Variants in RPAP2 observed in about 807,000 individuals in gnomAD.
The protein encoded by RPAP2 is RNA polymerase II associated protein 2.
RPAP2 carries 52 observed loss-of-function variants against 73.1 expected under a neutral mutation model. The observed-to-expected ratio is 0.71, with a 90% CI of 0.57 to 0.90. The LOEUF is 0.90. Among genes scored for constraint, RPAP2 ranks in the 40% least tolerant of loss-of-function variants. The pLI, the probability that RPAP2 is intolerant of heterozygous loss-of-function variation, is 0.00. For synonymous variants in RPAP2, 225 were observed against 242.1 expected (o/e 0.93, Z 0.65); for missense variants, 598 against 701.8 (o/e 0.85, Z 1.67).
At position 92,299,078 on chromosome 1, in the gene RPAP2, C is replaced by T; in HGVS notation, c.5C>T (p.Ala2Val). Reference protein sequence around the residue: MADFAGPSSAGR... With the variant: MVDFAGPSSAGR... ...TCCGGCAGACTACTCTCCCCCATGG[C>T]GGACTTCGCTGGGCCGTCTTCTGCC... Residue 2 changes from alanine to valine, a missense_variant, in exon 1 of 13, where the codon GCG (alanine) becomes GTG (valine). Coordinates refer to ENST00000610020, the MANE Select transcript of RPAP2 (RefSeq NM_024813.3). 6.6e-7 allele frequency: 1 copy of T among 1,505,848 alleles called. No individual in the cohort carries two copies. Among genetic ancestry groups the T allele is most frequent in the Non-Finnish European group, 8.9e-7 (1 of 1,121,986 alleles). 93.3% of individuals were successfully genotyped at this position (1,505,848 alleles called of 1,614,324 possible).
At chr1:92,328,553 T>C (rs1168398693) in intron 8 of RPAP2, among the ~76,000 whole-genome samples, 1 of 152,216 alleles carries the variant, frequency 6.6e-6, no homozygotes, top group Non-Finnish European at 1.5e-5. Context: ...TCATATCCTG[T>C]ATGATTTGTT....
rs78851197 is a variant in RPAP2 at position 92,308,353 on chromosome 1, C to T, written c.488+1077C>T. On this transcript the variant is annotated intron_variant, in intron 6 of 12. Coordinates refer to ENST00000610020, the MANE Select transcript of RPAP2 (RefSeq NM_024813.3). ...GAAAATAAAAGACTCTGGCATTGTT[C>T]GACATGACTGGGAAGCTAAGAGTAC... Among the ~76,000 whole-genome samples, 22 of 152,260 alleles carry T rather than the reference C, an allele frequency of 1.4e-4. No homozygotes were observed. In the East Asian group the frequency reaches 3.3e-3, roughly 23 times the overall value.
chr1:92,357,156 C>G (rs1375460809), intron 11 of RPAP2, among the ~76,000 whole-genome samples: 1 of 151,608 alleles, frequency 6.6e-6, no homozygotes, highest in Admixed American at 6.6e-5. Flanking sequence ...ATGAGTAAGA[C>G]TGTGTCTTAG....
chr1:92,322,881 A>G lies in RPAP2; in HGVS notation c.525-564A>G, dbSNP rs1050163368. The stretch of plus-strand genomic sequence containing the variant: ...AACACAGACTTTGTCTTAAAAATAT[A>G]TATTTATTTTTATATTATTTTTCAT... On this transcript the variant is annotated intron_variant, in intron 7 of 12. Coordinates refer to ENST00000610020, the MANE Select transcript of RPAP2 (RefSeq NM_024813.3). Among the ~76,000 whole-genome samples, 7 of 148,258 alleles carry G rather than the reference A, an allele frequency of 4.7e-5. No homozygotes were observed. The East Asian group carries it at 5.8e-4, about 12-fold the overall frequency.
chr1:92,383,508 G>A (rs1367144377), intron 12 of RPAP2, among the ~76,000 whole-genome samples: 1 of 151,906 alleles, frequency 6.6e-6, no homozygotes, highest in Non-Finnish European at 1.5e-5. Context: ...TGGATTCCTA[G>A]GTATTTTATT....
rs1050503976 is a variant in RPAP2, at chr1:92,336,401, A to G, written c.1593A>G (p.Gln531=). 6.2e-7 allele frequency: 1 copy of G among 1,609,570 alleles called. No homozygotes were observed. Among genetic ancestry groups the G allele is most frequent in the Non-Finnish European group, 8.5e-7 (1 of 1,176,686 alleles). ...LQITLGDIYT[Q]LKNLVRTFRL... is the part of the protein sequence containing the mutation. ...TTACATTGGGAGATATTTACACACAACTTAAAAATCTTGTTCGAACTTTCA... is the reference window on the plus strand; with the variant it reads ...TTACATTGGGAGATATTTACACACAGCTTAAAAATCTTGTTCGAACTTTCA... The change falls in exon 10 of 13, where the codon CAA becomes CAG. Residue 531 remains glutamine (Q), a synonymous_variant. Transcript: ENST00000610020.
chr1:92,317,596 T>A (rs1027226388), intron 6 of RPAP2, among the ~76,000 whole-genome samples: 1 of 152,156 alleles, frequency 6.6e-6, no homozygotes, highest in Admixed American at 6.5e-5. Flanking sequence ...TTTGGGAAGA[T>A]GAAAAAGTGC....
chr1:92,302,590 A>ATTTTTTTTTTTTTTTTTTTTTTTTT (rs36067595), intron 3 of RPAP2, among the ~76,000 whole-genome samples: 1 of 74,316 alleles, frequency 1.3e-5, no homozygotes. Flanking sequence ...TCCGCATTAA[A>ATTTTTTTTTTTTTTTTTTTTTTTTT]TTTTTTTTTT....
At chr1:92,309,616 CACATACACATAT>C (rs1327856479) in intron 6 of RPAP2, among the ~76,000 whole-genome samples, 5 of 103,332 alleles carry the variant, frequency 4.8e-5, no homozygotes, top group South Asian at 3.3e-4. Context: ...CATACACATA[CACATACACATAT>C]ACAAGTATAA....
chr1:92,377,314 A>G (rs944756481), intron 11 of RPAP2, among the ~76,000 whole-genome samples: 3 of 151,864 alleles, frequency 2.0e-5, no homozygotes, highest in African/African-American at 7.3e-5. Context: ...AGGTCAAGAG[A>G]TCGAGACCAT....
At chr1:92,353,344 A>T (rs2101348901) in intron 11 of RPAP2, among the ~76,000 whole-genome samples, 1 of 152,266 alleles carries the variant, frequency 6.6e-6, no homozygotes, top group Non-Finnish European at 1.5e-5. Context: ...GAACTTTACA[A>T]ATTATCTCAT....
rs1159083931 is a variant in RPAP2, at chr1:92,323,527, CA to C, written c.609del (p.Gln203HisfsTer45). The C allele has an allele frequency of 1.2e-6, 2 of 1,613,650 alleles. No homozygotes were observed. The highest frequency in any genetic ancestry group is 2.2e-5 in the South Asian group (2 of 91,066). On this transcript the variant is annotated frameshift_variant, in exon 8 of 13. Transcript: ENST00000610020. LOFTEE classifies it high-confidence loss of function. ...CGACAATCCTAGCCACTTTGAAAAG[CA>C]ATATGAATCTAGTTCTTCTAGCACT... is the stretch of plus-strand genomic sequence containing the variant. ...DIDNPSHFEK[Q>X]YESSSSSTHS...
intron 8 of RPAP2, among the ~76,000 whole-genome samples, chr1:92,328,179 T>G (rs1212617646): frequency 2.6e-5 from 4 of 152,192 alleles, no homozygotes; most frequent in Non-Finnish European, 4.4e-5. Flanking sequence ...TCTTTGAGCT[T>G]CTTGTATTTG....
Position 92,392,135 on chromosome 1 carries a change from TAAA to T in RPAP2, c.*5126_*5128del, listed in dbSNP as rs1656066095. On this transcript the variant is annotated 3_prime_UTR_variant, in exon 13 of 13. Transcript: ENST00000610020. Reference sequence around the variant, plus strand: ...TGAACATCGATGCGAAAATCCTCAATAAAATACTGGCAAACCGAATCCAGCAGC... The same window carrying T: ...TGAACATCGATGCGAAAATCCTCAATATACTGGCAAACCGAATCCAGCAGC... 1 of 152,198 alleles carries T rather than the reference TAAA, an allele frequency of 6.6e-6. No individual in the cohort carries two copies. Among genetic ancestry groups the T allele is most frequent in the Non-Finnish European group, 1.5e-5 (1 of 68,038 alleles). The allele number at this position is 152,198 out of a possible 1,614,324, so 9.4% of individuals were successfully genotyped here.
intron 11 of RPAP2, among the ~76,000 whole-genome samples, chr1:92,363,332 A>G (rs1393798061): frequency 6.6e-6 from 1 of 152,224 alleles, no homozygotes; most frequent in East Asian, 1.9e-4. Context: ...ATGATGGAAC[A>G]GGGCAGGTCT....
chr1:92,378,368 CTAATT>C (rs1184201043), intron 11 of RPAP2, among the ~76,000 whole-genome samples: 1 of 152,054 alleles, frequency 6.6e-6, no homozygotes, highest in African/African-American at 2.4e-5. Context: ...CCACACCAGG[CTAATT>C]TATTTTTTAT....
intron 11 of RPAP2, among the ~76,000 whole-genome samples, chr1:92,353,874 A>G (rs1414458514): frequency 2.0e-5 from 3 of 152,212 alleles, no homozygotes; most frequent in African/African-American, 7.2e-5. Flanking sequence ...AAGAAATAAT[A>G]CTTGTTCAAA....
chr1:92,300,754 T>C (rs1038250995), intron 2 of RPAP2, among the ~76,000 whole-genome samples: 9 of 152,372 alleles, frequency 5.9e-5, no homozygotes, highest in Non-Finnish European at 1.0e-4. Context: ...GACTCACTAA[T>C]CTTATATTGG....
chr1:92,299,358 T>C (rs1366521516), intron 1 of RPAP2, among the ~76,000 whole-genome samples: 1 of 152,104 alleles, frequency 6.6e-6, no homozygotes, highest in African/African-American at 2.4e-5. Flanking sequence ...GTTCCAAGAT[T>C]TCCCTCACGC....
Sources: gnomAD v4.1 joint callset for allele counts (sites outside exome capture counted in the v4.1 genomes callset) on GRCh38, gnomAD v4.1.1 for gene constraint, MANE v1.5 for transcripts, NCBI Gene and HGNC (gene_info 2026-07-23, HGNC 2026-07-21) for gene names.